DIP2C: variants seen among roughly 807,000 people sequenced by gnomAD.
The protein encoded by DIP2C is DIP2 acetate--CoA ligase C (putative).
Under a neutral mutation model 192.4 loss-of-function variants are expected in DIP2C, and 33 were observed. The ratio of observed to expected loss-of-function variants is 0.17; its 90% CI spans 0.13 to 0.23. The LOEUF is 0.23. Ranked by LOEUF, DIP2C falls within the 10% of genes least tolerant of loss-of-function variation. DIP2C has a pLI of 1.00. For missense variants in DIP2C, 1,537 were observed against 2,110.1 expected, an observed-to-expected ratio of 0.73 and a Z score of 5.32; for synonymous variants, 979 against 864.1, an observed-to-expected ratio of 1.13 and a Z score of -2.33.
intron 1 of DIP2C, among the ~76,000 whole-genome samples, chr10:654,222 A>G (rs1159406442): frequency 6.6e-6 from 1 of 152,190 alleles, no homozygotes. Flanking sequence ...CACAGCTGCT[A>G]TCTGATCTCA....
chr10:340,237 A>C (rs1332064748), intron 29 of DIP2C, among the ~76,000 whole-genome samples: 1 of 152,058 alleles, frequency 6.6e-6, no homozygotes, highest in African/African-American at 2.4e-5. Flanking sequence ...AACCAATTTC[A>C]TACTGTAGCG....
chr10:315,119 C>G (rs1292226000), intron 31 of DIP2C, among the ~76,000 whole-genome samples: 1 of 152,156 alleles, frequency 6.6e-6, no homozygotes, highest in Non-Finnish European at 1.5e-5. Context: ...GTGTTATGTG[C>G]TATGAAAATG....
At chr10:576,748 AAAT>A (rs1302195439) in intron 1 of DIP2C, among the ~76,000 whole-genome samples, 5 of 152,100 alleles carry the variant, frequency 3.3e-5, no homozygotes, top group Non-Finnish European at 7.4e-5. Flanking sequence ...TCTCGACTAA[AAAT>A]AAAAAATTAG....
intron 4 of DIP2C, among the ~76,000 whole-genome samples, chr10:434,597 A>C (rs1281361500): frequency 1.3e-5 from 2 of 152,236 alleles, no homozygotes; most frequent in Non-Finnish European, 2.9e-5. Flanking sequence ...CTTTATGCAC[A>C]GCTGAGTTAC....
intron 1 of DIP2C, among the ~76,000 whole-genome samples, chr10:616,764 G>T (rs1853498127): frequency 2.6e-5 from 4 of 152,220 alleles, no homozygotes; most frequent in Admixed American, 2.6e-4. Context: ...CAAGCATAGA[G>T]AGTCTAATGG....
chr10:305,218 C>CAACA (rs1429039294), intron 32 of DIP2C, among the ~76,000 whole-genome samples: 1 of 152,222 alleles, frequency 6.6e-6, no homozygotes. Flanking sequence ...CTCACCCATG[C>CAACA]AACACATGAC....
chr10:553,876 G>T (rs1278572252), intron 1 of DIP2C, among the ~76,000 whole-genome samples: 1 of 147,772 alleles, frequency 6.8e-6, no homozygotes, highest in African/African-American at 2.5e-5. Flanking sequence ...CAGTGAACAG[G>T]CAAGAAATAT....
chr10:594,569 A>G (rs530699889), intron 1 of DIP2C, among the ~76,000 whole-genome samples: 1 of 152,326 alleles, frequency 6.6e-6, no homozygotes, highest in East Asian at 1.9e-4. Context: ...GGCTGAGTAC[A>G]AATCATTTTA....
rs1196222502 is a variant in DIP2C at position 636,758 on chromosome 10, C to T, written c.85+52736G>A. Among the ~76,000 whole-genome samples the T allele has an allele frequency of 6.6e-6, 1 of 152,220 alleles. No homozygotes were observed. The highest frequency in any genetic ancestry group is 6.5e-5 in the Admixed American group (1 of 15,286). ...GGGGCCAACGTCCTGCAGAACGTCCCCCAGATGCATCTGTCTCTCAGGGCA... is the reference window on the plus strand; with the variant it reads ...GGGGCCAACGTCCTGCAGAACGTCCTCCAGATGCATCTGTCTCTCAGGGCA... On this transcript the variant is annotated intron_variant, in intron 1 of 36. Transcript: ENST00000280886. This position sits in a 1 kb window ranked among gnomAD's most constrained non-coding sequence, Gnocchi z 4.6.
chr10:515,598 C>T (rs964189261), intron 1 of DIP2C, among the ~76,000 whole-genome samples: 1 of 152,164 alleles, frequency 6.6e-6, no homozygotes. Flanking sequence ...GTGGCATACA[C>T]TAATAATCCC....
At chr10:449,855 TA>T in intron 3 of DIP2C, among the ~76,000 whole-genome samples, 1 of 135,732 alleles carries the variant, frequency 7.4e-6, no homozygotes, top group South Asian at 2.2e-4. Flanking sequence ...AAACTATTAA[TA>T]AAAACACATA....
chr10:394,783 T>C (rs575436731), intron 10 of DIP2C, among the ~76,000 whole-genome samples: 1 of 139,056 alleles, frequency 7.2e-6, no homozygotes, highest in East Asian at 2.2e-4. Flanking sequence ...GGAAGGACGC[T>C]AGGCCACACA....
Position 277,454 on chromosome 10 carries a change from G to A in DIP2C, c.4542C>T (p.Val1514=), listed in dbSNP as rs528628739. 3.5e-5 allele frequency: 56 copies of A among 1,614,160 alleles called. No individual in the cohort carries two copies. In the East Asian group the frequency reaches 9.4e-4, roughly 27 times the overall value. ...CGATGTCCACCACGACCACCACTCC[G>A]ACGATCAGGTAGTGCTCCTCCAGGA... ...NVVLEEHYLI[V]GVVVVVDIGV... Residue 1514 remains valine (V), a synonymous_variant, in exon 37 of 37, where the codon GTC becomes GTT. Coordinates refer to ENST00000280886, the MANE Select transcript of DIP2C (RefSeq NM_014974.3).
chr10:313,486 C>CCTGTG (rs10664192), intron 31 of DIP2C, among the ~76,000 whole-genome samples: 1 of 152,182 alleles, frequency 6.6e-6, no homozygotes, highest in Non-Finnish European at 1.5e-5. Context: ...AAAAACTGCA[C>CCTGTG]CTGAACAGGC....
chr10:601,012 T>C (rs904773819), intron 1 of DIP2C, among the ~76,000 whole-genome samples: 6 of 152,186 alleles, frequency 3.9e-5, no homozygotes, highest in African/African-American at 7.2e-5. Context: ...GCACGTTACA[T>C]GTTCACCTGA....
In DIP2C at chr10:495,607, C is replaced by T. The variant is rs1844772580; in HGVS notation, c.86-9077G>A. On this transcript the variant is annotated intron_variant, in intron 1 of 36. Coordinates refer to ENST00000280886, the MANE Select transcript of DIP2C (RefSeq NM_014974.3). ...AATAAAGCATGCTGAAGTACAGTCA[C>T]CCTTGGTGTCCGTGGGGGTGGGTTC... Among the ~76,000 whole-genome samples, 3 of 152,180 alleles carry T rather than the reference C, an allele frequency of 2.0e-5. 1 individual carries two copies. In the South Asian group the frequency reaches 6.2e-4, roughly 32 times the overall value.
chr10:576,322 ACT>A (rs1240094410), intron 1 of DIP2C, among the ~76,000 whole-genome samples: 2 of 152,094 alleles, frequency 1.3e-5, no homozygotes, highest in Non-Finnish European at 2.9e-5. Flanking sequence ...GCACTCACTG[ACT>A]CTTGACAATT....
intron 3 of DIP2C, among the ~76,000 whole-genome samples, chr10:464,844 T>C (rs1007478859): frequency 1.1e-4 from 17 of 151,796 alleles, no homozygotes; most frequent in African/African-American, 4.1e-4. Flanking sequence ...CAGGAAGAAG[T>C]TGAATCTCTG....
chr10:676,279 A>G (rs1430293027), intron 1 of DIP2C, among the ~76,000 whole-genome samples: 1 of 152,238 alleles, frequency 6.6e-6, no homozygotes, highest in Admixed American at 6.5e-5. Context: ...AATAAAGGCC[A>G]TATGTGACAA....
Sources: gnomAD v4.1 joint callset for allele counts (sites outside exome capture counted in the v4.1 genomes callset) on GRCh38, gnomAD v4.1.1 for gene constraint, Gnocchi (gnomAD v3.1) non-coding constraint, MANE v1.5 for transcripts, NCBI Gene and HGNC (gene_info 2026-07-23, HGNC 2026-07-21) for gene names.